Variants in DENND1B observed in about 807,000 individuals in gnomAD.
DENND1B encodes the protein DENN domain containing 1B.
DENND1B carries 59 observed loss-of-function variants against 90.1 expected under a neutral mutation model. That is an observed-to-expected ratio of 0.65 (90% CI 0.53 to 0.81). DENND1B has a LOEUF of 0.81. Among genes scored for constraint, DENND1B ranks in the 40% least tolerant of loss-of-function variants. The pLI, the probability that DENND1B is intolerant of heterozygous loss-of-function variation, is 0.00. For synonymous variants in DENND1B, 337 were observed against 324.6 expected, an observed-to-expected ratio of 1.04 and a Z score of -0.41; for missense variants, 862 against 912.6, an observed-to-expected ratio of 0.94 and a Z score of 0.71.
chr1:197,528,788 A>G (rs1669332680), intron 20 of DENND1B, among the ~76,000 whole-genome samples: 1 of 150,088 alleles, frequency 6.7e-6, no homozygotes, highest in Non-Finnish European at 1.5e-5. Context: ...TGAACCCGGG[A>G]GGCGGAGCTT....
At chr1:197,770,842 A>ATATAAATATATATC (rs1188477984) in intron 2 of DENND1B, among the ~76,000 whole-genome samples, 1 of 97,036 alleles carries the variant, frequency 1.0e-5, no homozygotes, top group Non-Finnish European at 2.4e-5. Context: ...CTATAAATAT[A>ATATAAATATATATC]TATAAATATA....
At chr1:197,692,879 A>G (rs559849399) in intron 3 of DENND1B, among the ~76,000 whole-genome samples, 19 of 151,880 alleles carry the variant, frequency 1.3e-4, no homozygotes, top group African/African-American at 3.9e-4. Context: ...CCACAGAAGT[A>G]AATTCCATAC....
intron 18 of DENND1B, among the ~76,000 whole-genome samples, chr1:197,542,079 AC>A (rs1284724330): frequency 1.7e-4 from 26 of 152,296 alleles, no homozygotes; most frequent in African/African-American, 4.3e-4. Context: ...TTTTCAACTT[AC>A]CAATTTGAAG....
At chr1:197,578,330 T>G (rs1673882633) in intron 15 of DENND1B, among the ~76,000 whole-genome samples, 1 of 152,048 alleles carries the variant, frequency 6.6e-6, no homozygotes. Context: ...CTGCAACCTC[T>G]GTCTCCCAGG....
chr1:197,520,160 T>C (rs1668672454), intron 20 of DENND1B, among the ~76,000 whole-genome samples: 1 of 151,990 alleles, frequency 6.6e-6, no homozygotes, highest in African/African-American at 2.4e-5. Flanking sequence ...TCAGTAGCTG[T>C]ATCTCATTTT....
At chr1:197,654,389 A>G (rs1572206916) in intron 6 of DENND1B, among the ~76,000 whole-genome samples, 1 of 152,086 alleles carries the variant, frequency 6.6e-6, no homozygotes, top group Non-Finnish European at 1.5e-5. Context: ...AGGTGGGTGG[A>G]TCAAGAGGTC....
chr1:197,762,200 A>G (rs1461274461), intron 2 of DENND1B, among the ~76,000 whole-genome samples: 1 of 152,210 alleles, frequency 6.6e-6, no homozygotes, highest in African/African-American at 2.4e-5. Context: ...ATAAATCAGG[A>G]CAATAAAGAC....
intron 20 of DENND1B, among the ~76,000 whole-genome samples, chr1:197,528,853 C>T: frequency 9.9e-6 from 1 of 100,808 alleles, no homozygotes; most frequent in East Asian, 3.4e-4. Context: ...GAGCGAGACT[C>T]ATCTCAAAAA....
intron 3 of DENND1B, among the ~76,000 whole-genome samples, chr1:197,714,397 T>C (rs1272657276): frequency 2.0e-5 from 3 of 152,184 alleles, no homozygotes. Context: ...ATGATTTTTC[T>C]ATTTACATAT....
At chr1:197,735,673 T>TCTA (rs1412527808) in intron 2 of DENND1B, 2 of 1,613,886 alleles carry the variant, frequency 1.2e-6, no homozygotes, top group Non-Finnish European at 1.7e-6. Flanking sequence ...CGGTACAAGG[T>TCTA]CTACCCCGGA....
At chr1:197,619,436 G>A (rs1467399799) in intron 10 of DENND1B, among the ~76,000 whole-genome samples, 1 of 151,042 alleles carries the variant, frequency 6.6e-6, no homozygotes, top group Non-Finnish European at 1.5e-5. Context: ...GGCTAAAAGA[G>A]CTTATGAAGC....
chr1:197,713,957 A>ATTATATGCAT (rs367895426), intron 3 of DENND1B, among the ~76,000 whole-genome samples: 1 of 7,154 alleles, frequency 1.4e-4, no homozygotes, highest in Admixed American at 1.3e-3. Context: ...ATACACCAAT[A>ATTATATGCAT]ATAAATATCA....
rs1447252118 is a variant in DENND1B at position 197,683,332 on chromosome 1, G to A, written c.127-9163C>T. Reference sequence around the variant, plus strand: ...TTTGAAGGGTTTAAAGCAAGGAAGGGATATGATTGGACTTCAATTTTAGCA... The same window carrying A: ...TTTGAAGGGTTTAAAGCAAGGAAGGAATATGATTGGACTTCAATTTTAGCA... On this transcript the variant is annotated intron_variant, in intron 3 of 22. Transcript: ENST00000620048. Among the ~76,000 whole-genome samples, 5 of 152,218 alleles carry A rather than the reference G, an allele frequency of 3.3e-5. No homozygotes were observed. In the East Asian group the frequency reaches 9.7e-4, roughly 29 times the overall value.
intron 7 of DENND1B, among the ~76,000 whole-genome samples, chr1:197,650,902 C>T (rs888907236): frequency 2.0e-5 from 3 of 151,996 alleles, no homozygotes; most frequent in Non-Finnish European, 4.4e-5. Context: ...TAAAAGACTA[C>T]GAATATGGTG....
chr1:197,776,823 C>CA (rs79649772), upstream of DENND1B, among the ~76,000 whole-genome samples: 70 of 149,320 alleles, frequency 4.7e-4, no homozygotes, highest in East Asian at 2.7e-3. Flanking sequence ...AACAAACAAA[C>CA]AAAAAAAAAA....
chr1:197,763,824 C>A (rs1655385946), intron 2 of DENND1B, among the ~76,000 whole-genome samples: 1 of 152,180 alleles, frequency 6.6e-6, no homozygotes, highest in Admixed American at 6.5e-5. Context: ...ATGCACTATA[C>A]AACCTCTACC....
intron 15 of DENND1B, among the ~76,000 whole-genome samples, chr1:197,577,829 G>C (rs1243247587): frequency 6.6e-6 from 1 of 152,116 alleles, no homozygotes; most frequent in East Asian, 1.9e-4. Context: ...AAGTATCATG[G>C]AATGTTAGAG....
chr1:197,775,040 G>A, intron 1 of DENND1B, 99 bp downstream of exon 1: 1 of 871,710 alleles, frequency 1.1e-6, no homozygotes, highest in Non-Finnish European at 1.5e-6. Flanking sequence ...CGGCCGCCCG[G>A]GGAGCCGGTT....
At chr1:197,770,758 ATATAAATATATATC>A (rs1656425831) in intron 2 of DENND1B, among the ~76,000 whole-genome samples, 3 of 141,494 alleles carry the variant, frequency 2.1e-5, no homozygotes, top group East Asian at 3.9e-4. Context: ...CTATAAATAT[ATATAAATATATATC>A]TATAAATATA....
Sources: gnomAD v4.1 joint callset for allele counts (sites outside exome capture counted in the v4.1 genomes callset) on GRCh38, gnomAD v4.1.1 for gene constraint, MANE v1.5 for transcripts, NCBI Gene and HGNC (gene_info 2026-07-23, HGNC 2026-07-21) for gene names.